RPH3A: variants seen among roughly 807,000 people sequenced by gnomAD.
RPH3A encodes rabphilin-3A.
In RPH3A, 48 loss-of-function variants were observed where a neutral mutation model predicts 102.2. The observed-to-expected ratio is 0.47, with a 90% CI of 0.37 to 0.60. RPH3A has a LOEUF of 0.60. RPH3A is among the 20% of genes least tolerant of loss of function. The pLI is 0.00. For synonymous variants in RPH3A, 310 were observed against 324.3 expected (o/e 0.96, Z 0.47); for missense variants, 781 against 910.1 (o/e 0.86, Z 1.83).
At chr12:112,734,455 G>T (rs2040654663) in intron 1 of RPH3A, among the ~76,000 whole-genome samples, 1 of 152,190 alleles carries the variant, frequency 6.6e-6, no homozygotes, top group African/African-American at 2.4e-5. Flanking sequence ...GCGAATATCA[G>T]TCCAAGTGTT....
Position 112,896,873 on chromosome 12 carries a change from C to G in RPH3A, c.*93C>G. ...CCTGATCTCTCTTCTCTATGCCTAC[C>G]TCCCCCCATACCCTGCTGATCTCCC... On this transcript the variant is annotated 3_prime_UTR_variant, in exon 22 of 22. Transcript: ENST00000389385. 1 of 1,418,220 alleles carries G rather than the reference C, an allele frequency of 7.1e-7. No individual in the cohort carries two copies. The highest frequency in any genetic ancestry group is 9.7e-7 in the Non-Finnish European group (1 of 1,025,774). The allele number at this position is 1,418,220 out of a possible 1,614,324, so 87.9% of individuals were successfully genotyped here. A position where few individuals can be genotyped will look rare whatever the true frequency, so the allele number is the denominator to read the frequency against.
At chr12:112,678,855 C>T (rs1592939913) in intron 1 of RPH3A, among the ~76,000 whole-genome samples, 1 of 152,156 alleles carries the variant, frequency 6.6e-6, no homozygotes, top group African/African-American at 2.4e-5. Flanking sequence ...AATTGCAATT[C>T]TGCGTGACAG....
At chr12:112,881,409 C>T (rs1403766144) in intron 14 of RPH3A, among the ~76,000 whole-genome samples, 1 of 152,182 alleles carries the variant, frequency 6.6e-6, no homozygotes, top group East Asian at 1.9e-4. Context: ...ACAATCCAGC[C>T]TTGATCCAGT....
intron 1 of RPH3A, among the ~76,000 whole-genome samples, chr12:112,727,362 G>C (rs1360652206): frequency 2.1e-5 from 3 of 145,802 alleles, no homozygotes; most frequent in African/African-American, 7.8e-5. Context: ...CTGCCCTCCG[G>C]CCTGGGCGAC....
At chr12:112,881,209 A>G (rs1593122803) in intron 14 of RPH3A, among the ~76,000 whole-genome samples, 1 of 152,186 alleles carries the variant, frequency 6.6e-6, no homozygotes, top group African/African-American at 2.4e-5. Context: ...TAACAAATCA[A>G]CTTAATTCCT....
At chr12:112,730,017 A>ACGTACACACACACACACT (rs2040621859) in intron 1 of RPH3A, among the ~76,000 whole-genome samples, 1 of 152,184 alleles carries the variant, frequency 6.6e-6, no homozygotes, top group Admixed American at 6.5e-5. Context: ...ACACACACAC[A>ACGTACACACACACACACT]CATACACACA....
intron 2 of RPH3A, among the ~76,000 whole-genome samples, chr12:112,819,706 G>A (rs1270865631): frequency 6.6e-6 from 1 of 152,244 alleles, no homozygotes; most frequent in African/African-American, 2.4e-5. Flanking sequence ...GCTTGTTCGT[G>A]TGTCTGTGGT....
chr12:112,891,403 A>T (rs2043092319), intron 19 of RPH3A, among the ~76,000 whole-genome samples: 1 of 152,210 alleles, frequency 6.6e-6, no homozygotes, highest in African/African-American at 2.4e-5. Flanking sequence ...CAGAAAAAAA[A>T]CATGCCTTCA....
intron 13 of RPH3A, among the ~76,000 whole-genome samples, chr12:112,877,423 C>CACACACACACACACACACACACGTAT (rs1565937824): frequency 1.7e-5 from 2 of 120,224 alleles, no homozygotes; most frequent in African/African-American, 7.8e-5. Flanking sequence ...CACGTATACA[C>CACACACACACACACACACACACGTAT]ACACACACAC....
rs1566255284 is a variant in RPH3A at position 112,678,295 on chromosome 12, A to AGAGAGAGAGAGAGAGAGAG, written c.-140+102976_-140+102977insGAGAGAGAGAGAGAGAGAG. On this transcript the variant is annotated intron_variant, in intron 1 of 21. Coordinates refer to the RPH3A transcript ENST00000543106. Reference sequence around the variant, plus strand: ...AAAGAAAGAAAGAAAGAAAGAAAGAAAGAAAGAAAGAGAGAGAGAGAGAAA... The same window carrying AGAGAGAGAGAGAGAGAGAG: ...AAAGAAAGAAAGAAAGAAAGAAAGAAGAGAGAGAGAGAGAGAGAGAGAAAGAAAGAGAGAGAGAGAGAAA... 3.2e-4 allele frequency among the ~76,000 whole-genome samples: 11 copies of AGAGAGAGAGAGAGAGAGAG among 34,818 alleles called. 2 individuals are homozygous for AGAGAGAGAGAGAGAGAGAG. The highest frequency in any genetic ancestry group is 6.1e-4 in the Non-Finnish European group (10 of 16,496). 22.8% of individuals were successfully genotyped at this position (34,818 alleles called of 152,430 possible). A position where few individuals can be genotyped will look rare whatever the true frequency, so the allele number is the denominator to read the frequency against.
chr12:112,635,331 C>G (rs2135988413), intron 1 of RPH3A, among the ~76,000 whole-genome samples: 1 of 152,276 alleles, frequency 6.6e-6, no homozygotes, highest in Admixed American at 6.5e-5. Context: ...GTGCTAGGCT[C>G]TGGAGTCAGC....
chr12:112,798,063 C>T lies in RPH3A; in HGVS notation c.-19+5800C>T, dbSNP rs117814341. 4.4e-4 allele frequency among the ~76,000 whole-genome samples: 67 copies of T among 152,344 alleles called. No homozygotes were observed. In the East Asian group the frequency reaches 0.012, roughly 26 times the overall value. ...AGAGGGAAGGCAGCAGTGCTGAGGG[C>T]CCAGGCTGCTGTATGCAATGTCACT... On this transcript the variant is annotated intron_variant, in intron 2 of 21. Transcript: ENST00000389385.
chr12:112,841,714 T>G lies in RPH3A; in HGVS notation c.83+5212T>G, dbSNP rs373680743. On this transcript the variant is annotated intron_variant, in intron 4 of 21. Transcript: ENST00000389385. ...GTTTTTTTTGTTTTTTTGGTTTTTT[T>G]TTTTTTTCCATTGCATCCTAATATC... Among the ~76,000 whole-genome samples the G allele has an allele frequency of 9.6e-3, 1,446 of 150,578 alleles. 31 individuals are homozygous for G. Among genetic ancestry groups the G allele is most frequent in the African/African-American group, 0.029 (1,177 of 40,850 alleles).
chr12:112,667,274 A>G (rs2040089491), intron 1 of RPH3A, among the ~76,000 whole-genome samples: 1 of 152,208 alleles, frequency 6.6e-6, no homozygotes, highest in Non-Finnish European at 1.5e-5. Context: ...CTGTGGTGCC[A>G]AATGGTATAT....
chr12:112,881,724 C>A, intron 14 of RPH3A, 48 bp from the exon 15 acceptor site: 1 of 1,407,876 alleles, frequency 7.1e-7, no homozygotes, highest in South Asian at 1.2e-5. Context: ...GACAGCTGAG[C>A]ACTGGGCCCT....
intron 1 of RPH3A, among the ~76,000 whole-genome samples, chr12:112,709,323 G>A (rs886862422): frequency 6.6e-6 from 1 of 152,170 alleles, no homozygotes; most frequent in African/African-American, 2.4e-5. Flanking sequence ...GCCAAGGTGG[G>A]AGGATTGCTT....
chr12:112,686,004 G>C (rs781713521), intron 1 of RPH3A, among the ~76,000 whole-genome samples: 7 of 152,196 alleles, frequency 4.6e-5, no homozygotes, highest in Non-Finnish European at 8.8e-5. Flanking sequence ...CATGTTCTGA[G>C]AGCCGAGGTG....
At chr12:112,806,821 G>T (rs1239785853) in intron 2 of RPH3A, among the ~76,000 whole-genome samples, 1 of 151,982 alleles carries the variant, frequency 6.6e-6, no homozygotes, top group Non-Finnish European at 1.5e-5. Flanking sequence ...TATTCAAATG[G>T]CTGTATAATG....
chr12:112,719,369 G>T (rs1030699860), intron 1 of RPH3A, among the ~76,000 whole-genome samples: 1 of 152,180 alleles, frequency 6.6e-6, no homozygotes, highest in Non-Finnish European at 1.5e-5. Flanking sequence ...CTGAGTCAAT[G>T]TAGAACGCAT....
Sources: gnomAD v4.1 joint callset for allele counts (sites outside exome capture counted in the v4.1 genomes callset) on GRCh38, gnomAD v4.1.1 for gene constraint, MANE v1.5 for transcripts, NCBI Gene and HGNC (gene_info 2026-07-23, HGNC 2026-07-21) for gene names.